Variants in DNAJA1 observed in about 807,000 individuals in gnomAD.
The protein encoded by DNAJA1 is DnaJ heat shock protein family (Hsp40) member A1.
A neutral mutation model predicts 47.6 loss-of-function variants in DNAJA1; 26 were observed. That is an observed-to-expected ratio of 0.55 (90% CI 0.40 to 0.76). DNAJA1 has a LOEUF of 0.76. Ranked by LOEUF, DNAJA1 falls within the 30% of genes least tolerant of loss-of-function variation. The pLI is 0.00. For missense variants in DNAJA1, 315 were observed against 485.0 expected, an observed-to-expected ratio of 0.65 and a Z score of 3.29; for synonymous variants, 165 against 158.4, an observed-to-expected ratio of 1.04 and a Z score of -0.31.
At chr9:33,025,603 C>T (rs888639414) in intron 1 of DNAJA1, among the ~76,000 whole-genome samples, 2 of 152,204 alleles carry the variant, frequency 1.3e-5, no homozygotes, top group Non-Finnish European at 2.9e-5. Flanking sequence ...GACCTCCCTC[C>T]TTCCCCAGCC....
At chr9:33,030,381 CATTT>C in intron 4 of DNAJA1, 55 bp from the exon 5 acceptor site, 1 of 1,487,400 alleles carries the variant, frequency 6.7e-7, no homozygotes, top group Non-Finnish European at 9.2e-7. Flanking sequence ...CTTCTTAAAA[CATTT>C]ACTACTGTAT....
chr9:33,035,194 C>T (rs1016299683), intron 6 of DNAJA1, among the ~76,000 whole-genome samples: 7 of 151,976 alleles, frequency 4.6e-5, no homozygotes, highest in African/African-American at 2.4e-5. Context: ...CAAGACCAGC[C>T]TAGCCAACAT....
chr9:33,036,795 C>T (rs534770513), intron 7 of DNAJA1, 106 bp downstream of exon 7: 1 of 878,144 alleles, frequency 1.1e-6, no homozygotes, highest in Non-Finnish European at 1.7e-6. Context: ...CATTGTTTTT[C>T]TTTCTCGGTT....
chr9:33,025,537 G>T (rs965636387), intron 1 of DNAJA1, among the ~76,000 whole-genome samples, 154 bp downstream of exon 1: 1 of 152,224 alleles, frequency 6.6e-6, no homozygotes, highest in Non-Finnish European at 1.5e-5. Flanking sequence ...GGCTGGTGTG[G>T]TGCCCTGGCA....
Position 33,038,726 on chromosome 9 carries a change from G to C in DNAJA1, c.1017G>C (p.Leu339=), listed in dbSNP as rs1213740013. 6.2e-7 allele frequency: 1 copy of C among 1,614,138 alleles called. No individual in the cohort carries two copies. Among genetic ancestry groups the C allele is most frequent in the Non-Finnish European group, 8.5e-7 (1 of 1,180,026 alleles). Residue 339 remains leucine, a synonymous_variant, in exon 9 of 9, where the codon CTG becomes CTC. Transcript: ENST00000330899. ...PENGFLSPDK[L]SLLEKLLPER... ...ATGGCTTTCTCTCTCCTGATAAACTGTCTTTGCTGGAAAAACTCCTACCCG... is the reference window on the plus strand; with the variant it reads ...ATGGCTTTCTCTCTCCTGATAAACTCTCTTTGCTGGAAAAACTCCTACCCG...
rs372049301 is a variant in DNAJA1 at position 33,036,671 on chromosome 9, G to A, written c.856G>A (p.Val286Ile). 3.7e-6 allele frequency: 6 copies of A among 1,613,172 alleles called. No homozygotes were observed. The highest frequency in any genetic ancestry group is 4.5e-5 in the East Asian group (2 of 44,880). ...ATCTACTCTTGACAACCGAACCATC[G>A]TCATCACCTCTCATCCAGGTATGGG... Reference protein sequence around the residue: ...PISTLDNRTIVITSHPGQIVK... With the variant: ...PISTLDNRTIIITSHPGQIVK... Residue 286 changes from valine to isoleucine, a missense_variant, in exon 7 of 9, where the codon GTC (valine) becomes ATC (isoleucine). By Grantham distance (29) the Val-to-Ile change is conservative. Coordinates refer to ENST00000330899, the MANE Select transcript of DNAJA1 (RefSeq NM_001539.4).
At chr9:33,034,460 C>A in intron 6 of DNAJA1, 130 bp downstream of exon 6, 1 of 694,040 alleles carries the variant, frequency 1.4e-6, no homozygotes, top group South Asian at 1.8e-5. Context: ...AGATTGTTAA[C>A]CATTGTTCAG....
At chr9:33,036,967 TA>T in intron 7 of DNAJA1, 47 bp from the exon 8 acceptor site, 2 of 1,532,678 alleles carry the variant, frequency 1.3e-6, no homozygotes, top group South Asian at 1.2e-5. Context: ...CCCTGCCTCA[TA>T]AAAATGTGAC....
intron 5 of DNAJA1, among the ~76,000 whole-genome samples, chr9:33,032,513 T>G (rs1427035516): frequency 6.6e-6 from 1 of 152,222 alleles, no homozygotes; most frequent in Non-Finnish European, 1.5e-5. Context: ...AAAATTGGTC[T>G]TGTTATGTGT....
chr9:33,038,566 T>A, intron 8 of DNAJA1, 119 bp from the exon 9 acceptor site: 1 of 870,290 alleles, frequency 1.1e-6, no homozygotes, highest in Non-Finnish European at 1.7e-6. Flanking sequence ...TAACCTGAGA[T>A]TGGCAGATTC....
intron 3 of DNAJA1, among the ~76,000 whole-genome samples, chr9:33,028,231 A>G (rs1838905956): frequency 1.3e-5 from 2 of 152,210 alleles, no homozygotes; most frequent in African/African-American, 4.8e-5. Flanking sequence ...GCCAGGGCTG[A>G]AAACTGGTTC....
intron 3 of DNAJA1, among the ~76,000 whole-genome samples, chr9:33,028,067 A>G (rs1318062590): frequency 6.6e-6 from 1 of 151,722 alleles, no homozygotes; most frequent in Non-Finnish European, 1.5e-5. Flanking sequence ...GTATATAGCA[A>G]TATAATTTTC....
chr9:33,039,452 C>T lies in DNAJA1; in HGVS notation c.*549C>T, dbSNP rs1422009564. The T allele has an allele frequency of 6.6e-6, 1 of 150,890 alleles. No homozygotes were observed. Among genetic ancestry groups the T allele is most frequent in the Non-Finnish European group, 1.5e-5 (1 of 67,758 alleles). The allele number at this position is 150,890 out of a possible 1,614,324, so 9.3% of individuals were successfully genotyped here. Reference sequence around the variant, plus strand: ...GTGGTATCAGTGATAAAAATGATACCTTTCTGTAGGAGGGGTTTATCATAA... The same window carrying T: ...GTGGTATCAGTGATAAAAATGATACTTTTCTGTAGGAGGGGTTTATCATAA... On this transcript the variant is annotated 3_prime_UTR_variant, in exon 9 of 9. Coordinates refer to ENST00000330899, the MANE Select transcript of DNAJA1 (RefSeq NM_001539.4).
chr9:33,031,009 T>C (rs966198651), intron 5 of DNAJA1, among the ~76,000 whole-genome samples: 12 of 152,228 alleles, frequency 7.9e-5, no homozygotes, highest in African/African-American at 2.4e-4. Flanking sequence ...TTGTACACAT[T>C]CTTAATTAGG....
intron 8 of DNAJA1, among the ~76,000 whole-genome samples, chr9:33,038,365 T>C (rs1429044388): frequency 6.6e-6 from 1 of 152,214 alleles, no homozygotes; most frequent in Non-Finnish European, 1.5e-5. Context: ...TGTTTAAATA[T>C]GTCGTAAGAA....
At chr9:33,030,733 A>G (rs985889012) in intron 5 of DNAJA1, 66 bp downstream of exon 5, 3 of 1,336,054 alleles carry the variant, frequency 2.2e-6, no homozygotes, top group Non-Finnish European at 1.0e-6. Flanking sequence ...AACATTTTAT[A>G]ATTGTTTAAA....
chr9:33,038,597 C>T (rs980358803), intron 8 of DNAJA1, 88 bp from the exon 9 acceptor site: 2 of 1,209,306 alleles, frequency 1.7e-6, no homozygotes, highest in African/African-American at 1.5e-5. Flanking sequence ...TACGTGTTTA[C>T]ATGTGTTTTT....
At chr9:33,031,105 T>G (rs1317065040) in intron 5 of DNAJA1, among the ~76,000 whole-genome samples, 1 of 152,190 alleles carries the variant, frequency 6.6e-6, no homozygotes, top group South Asian at 2.1e-4. Context: ...AATTCATGGT[T>G]TTTTTGGAGA....
intron 5 of DNAJA1, among the ~76,000 whole-genome samples, chr9:33,031,699 G>A (rs1838963939): frequency 6.6e-6 from 1 of 152,132 alleles, no homozygotes; most frequent in Non-Finnish European, 1.5e-5. Flanking sequence ...CTAAAATGCT[G>A]GGATTACAGG....
Sources: gnomAD v4.1 joint callset for allele counts (sites outside exome capture counted in the v4.1 genomes callset) on GRCh38, gnomAD v4.1.1 for gene constraint, MANE v1.5 for transcripts, NCBI Gene and HGNC (gene_info 2026-07-23, HGNC 2026-07-21) for gene names.